Variants in ATR observed in about 807,000 individuals in gnomAD.
ATR encodes ATR checkpoint kinase.
In ATR, 142 loss-of-function variants were observed where a neutral mutation model predicts 305.3. The observed-to-expected ratio is 0.47, with a 90% confidence interval of 0.41 to 0.53. ATR has a LOEUF of 0.53. Ranked by LOEUF, ATR falls within the 20% of genes least tolerant of loss-of-function variation. ATR has a pLI of 0.00. For missense variants in ATR, 2,135 were observed against 3,133.1 expected, an observed-to-expected ratio of 0.68 and a Z score of 7.60; for synonymous variants, 1,050 against 1,068.1, an observed-to-expected ratio of 0.98 and a Z score of 0.33.
chr3:142,516,008 G>A (rs748742651), intron 24 of ATR, among the ~76,000 whole-genome samples: 2 of 152,114 alleles, frequency 1.3e-5, no homozygotes, highest in African/African-American at 4.8e-5. Context: ...AATTATCAGG[G>A]CTCCCATGCT....
intron 21 of ATR, among the ~76,000 whole-genome samples, chr3:142,533,133 T>G (rs115917482): frequency 0.041 from 6,278 of 151,588 alleles, 426 homozygotes; most frequent in African/African-American, 0.14. Flanking sequence ...ACCCCATCTC[T>G]TAAAAAAAAA....
chr3:142,485,622 A>G (rs1425594944), intron 35 of ATR, among the ~76,000 whole-genome samples: 1 of 146,648 alleles, frequency 6.8e-6, no homozygotes, highest in Non-Finnish European at 1.5e-5. Flanking sequence ...TATATATGAT[A>G]TGTGTGTGTG....
chr3:142,525,345 T>C (rs2033330402), intron 21 of ATR, among the ~76,000 whole-genome samples: 1 of 151,852 alleles, frequency 6.6e-6, no homozygotes, highest in African/African-American at 2.4e-5. Context: ...CTCATAACCT[T>C]TTTTTTTACA....
chr3:142,561,463 AATAT>A, intron 4 of ATR, 42 bp from the exon 5 acceptor site: 1 of 1,540,264 alleles, frequency 6.5e-7, no homozygotes, highest in Non-Finnish European at 8.8e-7. Context: ...TTCCTTAGAA[AATAT>A]ATTTATATTA....
chr3:142,538,571 G>C lies in ATR; in HGVS notation c.3636C>G (p.Leu1212=), dbSNP rs2033940851. 2.5e-6 allele frequency: 4 copies of C among 1,613,606 alleles called. No homozygotes were observed. The African/African-American group carries it at 4.0e-5, about 16-fold the overall frequency. ...CLDHACLGSL[L]SHVIVALLPL... ...GTAACAAAGCTACTATTACATGACT[G>C]AGAAGGGAGCCCAGACAAGCATGAT... is the stretch of plus-strand genomic sequence containing the variant. Residue 1212 remains leucine, a synonymous_variant, in exon 19 of 47, where the codon CTC becomes CTG. Coordinates refer to ENST00000350721, the MANE Select transcript of ATR (RefSeq NM_001184.4).
intron 45 of ATR, among the ~76,000 whole-genome samples, chr3:142,454,959 A>G (rs2108253178): frequency 6.6e-6 from 1 of 152,356 alleles, no homozygotes; most frequent in Middle Eastern, 3.4e-3. Context: ...AGGCATTGAT[A>G]TTAAAAAGGA....
chr3:142,512,907 A>C (rs2032650621), intron 26 of ATR, among the ~76,000 whole-genome samples: 1 of 152,202 alleles, frequency 6.6e-6, no homozygotes, highest in African/African-American at 2.4e-5. Flanking sequence ...TATTGTTCTT[A>C]TCTATAATTA....
chr3:142,501,370 CCTTCTTTA>C (rs1438105156), intron 30 of ATR, among the ~76,000 whole-genome samples: 2 of 152,164 alleles, frequency 1.3e-5, no homozygotes, highest in African/African-American at 4.8e-5. Flanking sequence ...TATAAGCATT[CCTTCTTTA>C]CTTCTGTAAA....
chr3:142,478,329 G>T (rs1269780002), intron 36 of ATR, among the ~76,000 whole-genome samples: 1 of 152,126 alleles, frequency 6.6e-6, no homozygotes, highest in Non-Finnish European at 1.5e-5. Context: ...CTTTATTTCT[G>T]CCTTCATTTC....
At chr3:142,481,088 ACT>A (rs1233099190) in intron 36 of ATR, among the ~76,000 whole-genome samples, 1 of 152,062 alleles carries the variant, frequency 6.6e-6, no homozygotes, top group Non-Finnish European at 1.5e-5. Context: ...CGCTGCACCC[ACT>A]GTCCTGCACC....
At chr3:142,493,025 T>A in intron 35 of ATR, 107 bp downstream of exon 35, 1 of 1,251,590 alleles carries the variant, frequency 8.0e-7, no homozygotes, top group Non-Finnish European at 1.1e-6. Flanking sequence ...CACTGAAAAG[T>A]CAAAAAAATT....
chr3:142,528,007 G>C (rs1445819025), intron 21 of ATR, among the ~76,000 whole-genome samples: 1 of 152,108 alleles, frequency 6.6e-6, no homozygotes, highest in South Asian at 2.1e-4. Context: ...AACCAACCCT[G>C]CCACCACCTT....
At chr3:142,473,694 T>A (rs923565438) in intron 36 of ATR, among the ~76,000 whole-genome samples, 4 of 151,828 alleles carry the variant, frequency 2.6e-5, no homozygotes, top group Non-Finnish European at 4.4e-5. Flanking sequence ...TACAGGTGCA[T>A]GCCACCATGC....
chr3:142,535,926 T>C (rs980811144), intron 20 of ATR, among the ~76,000 whole-genome samples, 182 bp downstream of exon 20: 1 of 152,194 alleles, frequency 6.6e-6, no homozygotes, highest in Non-Finnish European at 1.5e-5. Context: ...ATCTAAATGC[T>C]AAAACTTCCC....
intron 45 of ATR, among the ~76,000 whole-genome samples, chr3:142,453,790 T>A (rs1427556152): frequency 2.0e-5 from 3 of 152,196 alleles, no homozygotes; most frequent in African/African-American, 7.2e-5. Flanking sequence ...CTAGGAATCA[T>A]CCTCACCCCG....
rs534792402 is a variant in ATR at position 142,457,228 on chromosome 3, G to A, written c.7655+376C>T. On this transcript the variant is annotated intron_variant, in intron 45 of 46. Transcript: ENST00000350721. Reference sequence around the variant, plus strand: ...TTAGATGATTCCATTTATATGAAATGTCCTGAATAGGTAAATCCATAGAGA... The same window carrying A: ...TTAGATGATTCCATTTATATGAAATATCCTGAATAGGTAAATCCATAGAGA... 2.5e-4 allele frequency among the ~76,000 whole-genome samples: 38 copies of A among 152,266 alleles called. 1 individual carries two copies. The highest frequency in any genetic ancestry group is 7.9e-4 in the African/African-American group (33 of 41,552).
intron 1 of ATR, 85 bp downstream of exon 1, chr3:142,578,561 G>C: frequency 6.9e-7 from 1 of 1,448,732 alleles, no homozygotes; most frequent in Middle Eastern, 1.8e-4. Context: ...CCCAGCCATA[G>C]CGCAGCAGGG....
intron 45 of ATR, among the ~76,000 whole-genome samples, chr3:142,453,734 C>T (rs1263578292): frequency 2.6e-5 from 4 of 152,200 alleles, no homozygotes; most frequent in Admixed American, 2.6e-4. Context: ...ACTATTTCTC[C>T]TGTATTCCCC....
At chr3:142,541,677 C>A (rs2034056951) in intron 17 of ATR, among the ~76,000 whole-genome samples, 2 of 152,126 alleles carry the variant, frequency 1.3e-5, no homozygotes, top group African/African-American at 4.8e-5. Context: ...GTTTACAAGA[C>A]AAACTGTAGT....
Sources: gnomAD v4.1 joint callset for allele counts (sites outside exome capture counted in the v4.1 genomes callset) on GRCh38, gnomAD v4.1.1 for gene constraint, MANE v1.5 for transcripts, NCBI Gene and HGNC (gene_info 2026-07-23, HGNC 2026-07-21) for gene names.